The following GUCY1A2 variants were observed in gnomAD, a reference collection of about 807,000 sequenced individuals.
GUCY1A2 encodes guanylate cyclase 1 soluble subunit alpha 2.
A neutral mutation model predicts 63.5 loss-of-function variants in GUCY1A2; 27 were observed. The observed-to-expected ratio is 0.43, with a 90% CI of 0.31 to 0.59. The LOEUF (loss-of-function observed/expected upper bound fraction) is 0.59. GUCY1A2 is among the 20% of genes least tolerant of loss of function. The probability of loss-of-function intolerance (pLI) is 0.11; values close to 1 mark genes in which losing one functional copy is unlikely to be tolerated. For missense variants in GUCY1A2, 768 were observed against 913.3 expected (o/e 0.84, Z 2.05); for synonymous variants, 364 against 343.5 (o/e 1.06, Z -0.66).
In GUCY1A2 at chr11:106,685,689, CT is replaced by C. The variant is rs1282628650; in HGVS notation, c.*1859del. The C allele has an allele frequency of 4.4e-6, 1 of 227,758 alleles. No homozygotes were observed. Among genetic ancestry groups the C allele is most frequent in the Non-Finnish European group, 8.7e-6 (1 of 114,644 alleles). The allele number at this position is 227,758 out of a possible 1,614,324, so 14.1% of individuals were successfully genotyped here. A position where few individuals can be genotyped will look rare whatever the true frequency, so the allele number is the denominator to read the frequency against. ...AGGATTGAGGTGCTCCCAGTCTGCT[CT>C]GCTCATACTGGCTGTAAACCTCCCC... is the stretch of plus-strand genomic sequence containing the variant. On this transcript the variant is annotated 3_prime_UTR_variant, in exon 8 of 8. Transcript: ENST00000526355.
intron 1 of GUCY1A2, among the ~76,000 whole-genome samples, chr11:107,014,376 C>T (rs1861791415): frequency 1.3e-5 from 2 of 152,070 alleles, no homozygotes; most frequent in Non-Finnish European, 2.9e-5. Flanking sequence ...CATGAGCCAC[C>T]ACGCCTGGCC....
chr11:106,702,909 T>C (rs189140999), intron 7 of GUCY1A2, among the ~76,000 whole-genome samples: 5 of 152,274 alleles, frequency 3.3e-5, no homozygotes, highest in Middle Eastern at 3.4e-3. Context: ...TTGATTGAAT[T>C]GAAGGATGCA....
chr11:106,778,457 A>G lies in GUCY1A2; in HGVS notation c.1693-1875T>C, dbSNP rs141403325. 4.6e-5 allele frequency among the ~76,000 whole-genome samples: 7 copies of G among 152,292 alleles called. No homozygotes were observed. In the East Asian group the frequency reaches 1.4e-3, roughly 29 times the overall value. ...AAATGGGACTATGTTCAGGAGATCA[A>G]GACCATCCTGGCTAACACGGTGAAA... On this transcript the variant is annotated intron_variant, in intron 5 of 7. Coordinates refer to ENST00000526355, the MANE Select transcript of GUCY1A2 (RefSeq NM_000855.3).
At chr11:106,881,071 T>A (rs529640890) in intron 4 of GUCY1A2, among the ~76,000 whole-genome samples, 2 of 152,110 alleles carry the variant, frequency 1.3e-5, no homozygotes, top group Admixed American at 1.3e-4. Context: ...AGCTCTAGCA[T>A]CCTATGATTC....
chr11:106,935,855 A>T (rs968773578), intron 4 of GUCY1A2, among the ~76,000 whole-genome samples: 3 of 151,470 alleles, frequency 2.0e-5, no homozygotes, highest in Admixed American at 6.6e-5. Context: ...TCTCCAAAAA[A>T]AAAAATTAAA....
At chr11:106,854,890 G>A (rs1859407055) in intron 4 of GUCY1A2, among the ~76,000 whole-genome samples, 1 of 152,106 alleles carries the variant, frequency 6.6e-6, no homozygotes, top group Non-Finnish European at 1.5e-5. Context: ...AGCCACCCTG[G>A]TGTGCTCTAT....
intron 6 of GUCY1A2, among the ~76,000 whole-genome samples, chr11:106,773,989 C>T (rs750825036): frequency 4.6e-5 from 7 of 152,096 alleles, no homozygotes; most frequent in Non-Finnish European, 7.3e-5. Flanking sequence ...TGAATTTTTA[C>T]ATTTACCTCC....
At chr11:106,888,476 A>G (rs1410813142) in intron 4 of GUCY1A2, among the ~76,000 whole-genome samples, 3 of 138,708 alleles carry the variant, frequency 2.2e-5, no homozygotes, top group Non-Finnish European at 4.9e-5. Flanking sequence ...AAAAAGAAAG[A>G]AAAAAAAATG....
chr11:107,000,804 C>T (rs1861603780), intron 1 of GUCY1A2, among the ~76,000 whole-genome samples: 1 of 152,124 alleles, frequency 6.6e-6, no homozygotes, highest in African/African-American at 2.4e-5. Context: ...ACTCCTTAAG[C>T]CAAAAAGCAA....
At chr11:106,831,907 G>A (rs1042410632) in intron 4 of GUCY1A2, among the ~76,000 whole-genome samples, 8 of 152,016 alleles carry the variant, frequency 5.3e-5, no homozygotes, top group South Asian at 2.1e-4. Context: ...ATCTAGACTC[G>A]CACCTCCTCC....
intron 3 of GUCY1A2, among the ~76,000 whole-genome samples, chr11:106,942,463 T>C (rs1860764106): frequency 6.6e-6 from 1 of 152,226 alleles, no homozygotes; most frequent in Admixed American, 6.5e-5. Context: ...CTTCCAGTTA[T>C]GAAATTCTTA....
At chr11:106,888,780 A>G (rs999124083) in intron 4 of GUCY1A2, among the ~76,000 whole-genome samples, 2 of 152,242 alleles carry the variant, frequency 1.3e-5, no homozygotes, top group Non-Finnish European at 2.9e-5. Context: ...TGATCACTGG[A>G]AAAGCAATCT....
At chr11:106,809,962 C>A (rs1021072117) in intron 5 of GUCY1A2, 31 bp downstream of exon 5, 1 of 1,396,380 alleles carries the variant, frequency 7.2e-7, no homozygotes, top group African/African-American at 1.4e-5. Flanking sequence ...TATTAAAAAA[C>A]ATTTATATGT....
chr11:106,737,263 C>A (rs913443453), intron 6 of GUCY1A2, among the ~76,000 whole-genome samples: 2 of 152,090 alleles, frequency 1.3e-5, no homozygotes, highest in East Asian at 3.9e-4. Context: ...CTGGCTCCCC[C>A]GTGATAGTTA....
intron 4 of GUCY1A2, among the ~76,000 whole-genome samples, chr11:106,820,581 T>C (rs1248028433): frequency 6.6e-6 from 1 of 152,078 alleles, no homozygotes; most frequent in East Asian, 1.9e-4. Flanking sequence ...GTATTTTTAG[T>C]ACAGACAGGG....
rs147364718 is a variant in GUCY1A2, at chr11:106,713,800, C to G, written c.1837-5134G>C. 1.3e-3 allele frequency among the ~76,000 whole-genome samples: 193 copies of G among 152,000 alleles called. 5 individuals carry two copies. The East Asian group carries it at 0.028, about 22-fold the overall frequency. On this transcript the variant is annotated intron_variant, in intron 6 of 7. Transcript: ENST00000526355. ...GGATTACAGGCGTGAGCCACCGCGC[C>G]CAGCCCAACATTAGTATATTTCTTT...
At chr11:106,890,723 T>C (rs992706880) in intron 4 of GUCY1A2, among the ~76,000 whole-genome samples, 3 of 152,190 alleles carry the variant, frequency 2.0e-5, no homozygotes, top group African/African-American at 7.2e-5. Flanking sequence ...CACAGCTCAC[T>C]GTACTGCATA....
chr11:106,924,198 T>C (rs1860488479), intron 4 of GUCY1A2, among the ~76,000 whole-genome samples: 1 of 152,210 alleles, frequency 6.6e-6, no homozygotes, highest in African/African-American at 2.4e-5. Context: ...CTTGTGTCCA[T>C]AGGACAAGCA....
rs560891150 is a variant in GUCY1A2 at position 106,871,682 on chromosome 11, G to C, written c.1207-61204C>G. ...TTCCAAATAAAGTCACATTCACATG[G>C]AAAATGAAATGGACATATTTCTGGG... is the stretch of plus-strand genomic sequence containing the variant. On this transcript the variant is annotated intron_variant, in intron 4 of 7. Coordinates refer to ENST00000526355, the MANE Select transcript of GUCY1A2 (RefSeq NM_000855.3). 1.6e-4 allele frequency among the ~76,000 whole-genome samples: 24 copies of C among 152,174 alleles called. 2 individuals are homozygous for C. The South Asian group carries it at 5.0e-3, about 32-fold the overall frequency.
Sources: allele counts gnomAD v4.1 joint callset (sites outside exome capture counted in the v4.1 genomes callset), GRCh38; gene constraint gnomAD v4.1.1; transcripts MANE v1.5; gene names NCBI Gene and HGNC (gene_info 2026-07-23, HGNC 2026-07-21).